The following CSMD1 variants were observed in gnomAD, a reference collection of about 807,000 sequenced individuals.
The protein encoded by CSMD1 is CUB and Sushi multiple domains 1.
CSMD1 carries 213 observed loss-of-function variants against 417.5 expected under a neutral mutation model. The observed-to-expected ratio is 0.51, with a 90% CI of 0.46 to 0.57. CSMD1 has a LOEUF of 0.57. Among genes scored for constraint, CSMD1 ranks in the 20% least tolerant of loss-of-function variants. The probability of loss-of-function intolerance (pLI) is 0.00; values close to 1 mark genes in which losing one functional copy is unlikely to be tolerated. For missense variants in CSMD1, 6,923 were observed against 4,529.7 expected, an observed-to-expected ratio of 1.53 and a Z score of -15.17; for synonymous variants, 2,862 against 1,736.8, an observed-to-expected ratio of 1.65 and a Z score of -16.11.
chr8:4,042,381 G>A (rs1263855716), intron 3 of CSMD1, among the ~76,000 whole-genome samples: 1 of 152,104 alleles, frequency 6.6e-6, no homozygotes, highest in East Asian at 1.9e-4. Context: ...GAGAGATTCA[G>A]CAACTTATAG....
chr8:3,438,789 C>T (rs899073766), intron 12 of CSMD1, among the ~76,000 whole-genome samples: 1 of 152,012 alleles, frequency 6.6e-6, no homozygotes, highest in Non-Finnish European at 1.5e-5. Context: ...GTGCAATTGT[C>T]GGGTCATATG....
intron 2 of CSMD1, among the ~76,000 whole-genome samples, chr8:4,521,475 C>A (rs1803442003): frequency 6.6e-6 from 1 of 152,116 alleles, no homozygotes; most frequent in Non-Finnish European, 1.5e-5. Flanking sequence ...GAAGAATATG[C>A]ATTTATATAA....
chr8:4,584,248 C>T (rs775918834), intron 2 of CSMD1, among the ~76,000 whole-genome samples: 20 of 152,112 alleles, frequency 1.3e-4, no homozygotes, highest in Non-Finnish European at 1.9e-4. Context: ...CACATTTTGG[C>T]GACCACGAAG....
chr8:3,778,744 A>G (rs1161232195), intron 5 of CSMD1, among the ~76,000 whole-genome samples: 1 of 152,178 alleles, frequency 6.6e-6, no homozygotes, highest in Non-Finnish European at 1.5e-5. Context: ...TTTGGAAATC[A>G]GGTTACAAAT....
intron 11 of CSMD1, among the ~76,000 whole-genome samples, chr8:3,469,511 G>T (rs1015239819): frequency 2.0e-5 from 3 of 152,096 alleles, no homozygotes; most frequent in Non-Finnish European, 2.9e-5. Flanking sequence ...CAGTCACATA[G>T]GGGCTGCTGT....
chr8:4,471,744 G>GC (rs1554490618), intron 2 of CSMD1, among the ~76,000 whole-genome samples: 3 of 151,826 alleles, frequency 2.0e-5, no homozygotes, highest in Admixed American at 2.0e-4. Flanking sequence ...GAGAAAAGAA[G>GC]TTAGACCCAT....
intron 3 of CSMD1, among the ~76,000 whole-genome samples, chr8:4,255,753 T>G (rs1803413927): frequency 6.6e-6 from 1 of 152,292 alleles, no homozygotes; most frequent in South Asian, 2.1e-4. Flanking sequence ...TAAACAAAAG[T>G]TCTAAAATTA....
At chr8:3,276,704 T>G (rs1056362702) in intron 26 of CSMD1, among the ~76,000 whole-genome samples, 5 of 152,172 alleles carry the variant, frequency 3.3e-5, no homozygotes, top group African/African-American at 1.2e-4. Flanking sequence ...CTATGAAAAT[T>G]TTGAATTAAG....
Position 4,726,351 on chromosome 8 carries a change from A to AGTTATTATC in CSMD1, c.86-88802_86-88794dup, listed in dbSNP as rs201333738. Reference sequence around the variant, plus strand: ...AAAGCTTTTTGTATTCCTGAAAGATAGTTATTATCACCAAAAGCTTTCTCT... The same window carrying AGTTATTATC: ...AAAGCTTTTTGTATTCCTGAAAGATAGTTATTATCGTTATTATCACCAAAAGCTTTCTCT... On this transcript the variant is annotated intron_variant, in intron 1 of 69. Transcript: ENST00000635120. Among the ~76,000 whole-genome samples, 1,088 of 152,054 alleles carry AGTTATTATC rather than the reference A, an allele frequency of 7.2e-3. 9 individuals are homozygous for AGTTATTATC. Among genetic ancestry groups the AGTTATTATC allele is most frequent in the Non-Finnish European group, 0.011 (745 of 67,966 alleles).
chr8:4,219,062 A>G (rs139678379), intron 3 of CSMD1, among the ~76,000 whole-genome samples: 377 of 152,226 alleles, frequency 2.5e-3, no homozygotes, highest in Non-Finnish European at 4.2e-3. Flanking sequence ...TTAGAGGTAC[A>G]CCGTCTACTC....
chr8:3,188,954 G>C lies in CSMD1; in HGVS notation c.5456C>G (p.Pro1819Arg), dbSNP rs1326837654. ...GTTCAAGTTGTTTCCGTATGGCTCAGGGTAGCCGGGGGACAGGATTGTACC... is the reference window on the plus strand; with the variant it reads ...GTTCAAGTTGTTTCCGTATGGCTCACGGTAGCCGGGGGACAGGATTGTACC... ...RRGTILSPGY[P>R]EPYGNNLNCI... The change falls in exon 35 of 70, where the codon CCT becomes CGT. Residue 1819 changes from proline to arginine, a missense_variant. Coordinates refer to ENST00000635120, the MANE Select transcript of CSMD1 (RefSeq NM_033225.6). The C allele has an allele frequency of 6.2e-7, 1 of 1,612,952 alleles. No homozygotes were observed. The highest frequency in any genetic ancestry group is 1.3e-5 in the African/African-American group (1 of 74,900).
At chr8:4,878,930 G>A (rs542883038) in intron 1 of CSMD1, among the ~76,000 whole-genome samples, 2 of 151,652 alleles carry the variant, frequency 1.3e-5, no homozygotes, top group Admixed American at 6.6e-5. Context: ...TGAAGAGGAC[G>A]ACAAGGTGAA....
chr8:3,692,518 T>C (rs1044149386), intron 7 of CSMD1, among the ~76,000 whole-genome samples: 72 of 151,948 alleles, frequency 4.7e-4, no homozygotes, highest in African/African-American at 1.7e-3. Context: ...ATCGGCTCAC[T>C]ACAACCTTCA....
intron 3 of CSMD1, among the ~76,000 whole-genome samples, chr8:4,313,287 C>T (rs966899843): frequency 1.1e-4 from 17 of 151,902 alleles, no homozygotes; most frequent in Admixed American, 2.6e-4. Flanking sequence ...GAAGAGAATG[C>T]GAAGAATCTG....
At chr8:3,699,850 C>G (rs1387245427) in intron 7 of CSMD1, among the ~76,000 whole-genome samples, 1 of 152,172 alleles carries the variant, frequency 6.6e-6, no homozygotes, top group Non-Finnish European at 1.5e-5. Context: ...GACACACCAT[C>G]CCATAACTAC....
chr8:4,098,673 C>G (rs188503647), intron 3 of CSMD1, among the ~76,000 whole-genome samples: 2 of 152,150 alleles, frequency 1.3e-5, no homozygotes, highest in African/African-American at 4.8e-5. Flanking sequence ...CACTGTCTTA[C>G]GGCAAATAAA....
At chr8:4,036,165 T>C (rs568773661) in intron 3 of CSMD1, among the ~76,000 whole-genome samples, 1 of 152,312 alleles carries the variant, frequency 6.6e-6, no homozygotes, top group South Asian at 2.1e-4. Flanking sequence ...CTTGGGTTTG[T>C]GTAAGTGTGC....
chr8:3,043,524 A>G (rs1422622674), intron 50 of CSMD1, among the ~76,000 whole-genome samples: 1 of 152,114 alleles, frequency 6.6e-6, no homozygotes, highest in Non-Finnish European at 1.5e-5. Context: ...ATTGCATTTA[A>G]TCATGTAAAG....
intron 3 of CSMD1, among the ~76,000 whole-genome samples, chr8:4,119,096 T>C (rs537802732): frequency 6.6e-6 from 1 of 151,758 alleles, no homozygotes; most frequent in East Asian, 1.9e-4. Flanking sequence ...TGTCAGTGGG[T>C]GGGGACAAGA....
Sources: gnomAD v4.1 joint callset for allele counts (sites outside exome capture counted in the v4.1 genomes callset) on GRCh38, gnomAD v4.1.1 for gene constraint, MANE v1.5 for transcripts, NCBI Gene and HGNC (gene_info 2026-07-23, HGNC 2026-07-21) for gene names.